RBMS3: variants seen among roughly 807,000 people sequenced by gnomAD.
The protein encoded by RBMS3 is RNA-binding motif, single-stranded-interacting protein 3.
In RBMS3, 27 loss-of-function variants were observed where a neutral mutation model predicts 66.8. The ratio of observed to expected loss-of-function variants is 0.40; its 90% CI spans 0.30 to 0.56. RBMS3 has a LOEUF of 0.56. Among genes scored for constraint, RBMS3 ranks in the 20% least tolerant of loss-of-function variants. The probability of loss-of-function intolerance (pLI) is 0.40; values close to 1 mark genes in which losing one functional copy is unlikely to be tolerated. For missense variants in RBMS3, 513 were observed against 549.5 expected, an observed-to-expected ratio of 0.93 and a Z score of 0.66; for synonymous variants, 188 against 183.0, an observed-to-expected ratio of 1.03 and a Z score of -0.22.
chr3:29,449,211 A>C (rs776620653), intron 2 of RBMS3, among the ~76,000 whole-genome samples: 14 of 152,224 alleles, frequency 9.2e-5, no homozygotes, highest in Admixed American at 7.2e-4. Context: ...CAACATACCT[A>C]TAATTTGCAG....
chr3:29,707,792 T>A (rs2052977003), intron 4 of RBMS3, among the ~76,000 whole-genome samples: 1 of 152,236 alleles, frequency 6.6e-6, no homozygotes, highest in African/African-American at 2.4e-5. Flanking sequence ...ATGGAAAGAC[T>A]ATCAAGTGCC....
At chr3:29,764,829 A>G (rs1374777909) in intron 6 of RBMS3, among the ~76,000 whole-genome samples, 4 of 152,026 alleles carry the variant, frequency 2.6e-5, no homozygotes, top group Admixed American at 6.6e-5. Context: ...CCTATCTAAT[A>G]TCATAGCTAC....
chr3:29,739,215 A>G (rs1464854782), intron 4 of RBMS3, among the ~76,000 whole-genome samples: 1 of 152,160 alleles, frequency 6.6e-6, no homozygotes, highest in Non-Finnish European at 1.5e-5. Context: ...GCACTTTGGG[A>G]GGCCGAGGTG....
intron 1 of RBMS3, among the ~76,000 whole-genome samples, chr3:29,386,184 C>T (rs1222606947): frequency 6.6e-6 from 1 of 151,902 alleles, no homozygotes; most frequent in Non-Finnish European, 1.5e-5. Flanking sequence ...GAGAAAAACA[C>T]TCTATCCTGC....
intron 7 of RBMS3, among the ~76,000 whole-genome samples, chr3:29,872,200 T>C (rs1006559008): frequency 6.6e-6 from 1 of 152,074 alleles, no homozygotes; most frequent in Non-Finnish European, 1.5e-5. Flanking sequence ...CTCTTAAAAA[T>C]TATTACTTAC....
At chr3:29,803,553 C>T (rs2057453318) in intron 6 of RBMS3, among the ~76,000 whole-genome samples, 1 of 151,940 alleles carries the variant, frequency 6.6e-6, no homozygotes, top group Non-Finnish European at 1.5e-5. Context: ...AGTTTGCAAA[C>T]TGGTTGTCTT....
At chr3:29,625,664 C>T (rs976091036) in intron 4 of RBMS3, among the ~76,000 whole-genome samples, 5 of 151,228 alleles carry the variant, frequency 3.3e-5, no homozygotes, top group Admixed American at 2.6e-4. Flanking sequence ...CGCCATTGCA[C>T]TCCAGCCTGG....
At position 29,434,895 on chromosome 3, in the gene RBMS3, C is replaced by T. The variant is rs1251583659; in HGVS notation, c.228C>T (p.Asp76=). 2.5e-6 allele frequency: 4 copies of T among 1,613,688 alleles called. No individual in the cohort carries two copies. Among genetic ancestry groups the T allele is most frequent in the Non-Finnish European group, 1.7e-6 (2 of 1,179,780 alleles). Residue 76 remains aspartate, a synonymous_variant, in exon 2 of 15, where the codon GAC becomes GAT. Coordinates refer to ENST00000383767, the MANE Select transcript of RBMS3 (RefSeq NM_001003793.3). Reference sequence around the variant, plus strand: ...TCCCACCAGGCACCACTGACCAGGACCTAATCAAGCTGTGCCAACCGTAAG... The same window carrying T: ...TCCCACCAGGCACCACTGACCAGGATCTAATCAAGCTGTGCCAACCGTAAG... ...RGLPPGTTDQ[D]LIKLCQPYGK...
At chr3:29,979,512 G>A (rs745910368) in intron 12 of RBMS3, among the ~76,000 whole-genome samples, 8 of 152,096 alleles carry the variant, frequency 5.3e-5, no homozygotes, top group Admixed American at 1.3e-4. Flanking sequence ...AGGTATACAC[G>A]TGCCATGGTG....
At chr3:29,505,175 G>A (rs1348711619) in intron 3 of RBMS3, among the ~76,000 whole-genome samples, 1 of 151,940 alleles carries the variant, frequency 6.6e-6, no homozygotes, top group Admixed American at 6.6e-5. Context: ...TCTTCTAGTA[G>A]TTTTATAGTT....
At chr3:29,524,275 T>C (rs999502567) in intron 3 of RBMS3, among the ~76,000 whole-genome samples, 8 of 152,208 alleles carry the variant, frequency 5.3e-5, no homozygotes, top group African/African-American at 1.9e-4. Flanking sequence ...CAATACCCCA[T>C]AACATGAAAT....
At chr3:29,682,295 G>A (rs116192255) in intron 4 of RBMS3, among the ~76,000 whole-genome samples, 4,980 of 152,188 alleles carry the variant, frequency 0.033, 260 homozygotes, top group African/African-American at 0.11. Flanking sequence ...ACAGGCACAC[G>A]CCACCATGTC....
chr3:29,592,788 G>A (rs1480893390), intron 4 of RBMS3, among the ~76,000 whole-genome samples: 12 of 152,112 alleles, frequency 7.9e-5, no homozygotes, highest in Admixed American at 1.3e-4. Context: ...ACTGGATTAA[G>A]AAAATATGGC....
At chr3:29,664,520 T>TAA (rs2050678834) in intron 4 of RBMS3, among the ~76,000 whole-genome samples, 2 of 152,016 alleles carry the variant, frequency 1.3e-5, no homozygotes, top group Non-Finnish European at 2.9e-5. Flanking sequence ...AGTCATTTAC[T>TAA]ATGACTTGTC....
intron 4 of RBMS3, among the ~76,000 whole-genome samples, chr3:29,709,504 A>G (rs754275441): frequency 6.6e-6 from 1 of 152,190 alleles, no homozygotes; most frequent in Non-Finnish European, 1.5e-5. Flanking sequence ...AAGCTTTTAT[A>G]GTTTTTGAGT....
chr3:29,927,302 C>T (rs909971477), intron 10 of RBMS3: 3 of 152,194 alleles, frequency 2.0e-5, no homozygotes, highest in Non-Finnish European at 2.9e-5. Context: ...GTTATTGTTT[C>T]ACATACCATT....
intron 6 of RBMS3, 41 bp from the exon 7 acceptor site, chr3:29,868,817 G>A (rs1193076203): frequency 1.3e-6 from 2 of 1,485,936 alleles, no homozygotes; most frequent in Non-Finnish European, 1.8e-6. Flanking sequence ...TAGTTTTTAA[G>A]GGGGAGTTGT....
At chr3:29,327,568 T>G (rs1029419141) in intron 1 of RBMS3, among the ~76,000 whole-genome samples, 1 of 152,216 alleles carries the variant, frequency 6.6e-6, no homozygotes. Flanking sequence ...ATATAATAGC[T>G]TAATAGCCTA....
At chr3:29,377,720 G>T (rs955515690) in intron 1 of RBMS3, among the ~76,000 whole-genome samples, 19 of 152,084 alleles carry the variant, frequency 1.2e-4, no homozygotes, top group Admixed American at 5.9e-4. Flanking sequence ...TCATCCCTTT[G>T]TCCAGCCATG....
Sources: allele counts gnomAD v4.1 joint callset (sites outside exome capture counted in the v4.1 genomes callset), GRCh38; gene constraint gnomAD v4.1.1; transcripts MANE v1.5; gene names NCBI Gene and HGNC (gene_info 2026-07-23, HGNC 2026-07-21).